The following ARHGAP32 variants were observed in gnomAD, a reference collection of about 807,000 sequenced individuals.
The protein encoded by ARHGAP32 is rho GTPase-activating protein 32.
ARHGAP32 carries 51 observed loss-of-function variants against 186.5 expected under a neutral mutation model. That is an observed-to-expected ratio of 0.27 (90% CI 0.22 to 0.35). The LOEUF is 0.35. Among genes scored for constraint, ARHGAP32 ranks in the 10% least tolerant of loss-of-function variants. The pLI, the probability that ARHGAP32 is intolerant of heterozygous loss-of-function variation, is 1.00. For synonymous variants in ARHGAP32, 950 were observed against 964.3 expected, an observed-to-expected ratio of 0.99 and a Z score of 0.27; for missense variants, 2,186 against 2,623.5, an observed-to-expected ratio of 0.83 and a Z score of 3.64.
At chr11:129,006,326 TAGTCTTC>T (rs993647118) in intron 11 of ARHGAP32, among the ~76,000 whole-genome samples, 4 of 152,202 alleles carry the variant, frequency 2.6e-5, no homozygotes, top group Admixed American at 1.3e-4. Context: ...GTATTTATTG[TAGTCTTC>T]AGTCTGGGCT....
chr11:129,226,510 A>C (rs1308310833), intron 1 of ARHGAP32, among the ~76,000 whole-genome samples: 1 of 152,158 alleles, frequency 6.6e-6, no homozygotes, highest in Non-Finnish European at 1.5e-5. Context: ...CTTGTGAAAC[A>C]ATGTCATTTT....
intron 1 of ARHGAP32, among the ~76,000 whole-genome samples, chr11:129,267,492 C>A (rs1231327687): frequency 6.6e-6 from 1 of 150,854 alleles, no homozygotes; most frequent in African/African-American, 2.5e-5. Flanking sequence ...GTTAACTTGA[C>A]TGATAATTTG....
At chr11:129,132,062 T>C (rs983797654) in intron 2 of ARHGAP32, among the ~76,000 whole-genome samples, 1 of 152,244 alleles carries the variant, frequency 6.6e-6, no homozygotes, top group African/African-American at 2.4e-5. Flanking sequence ...CTAGCATGCA[T>C]GAGCTATTTT....
At chr11:129,056,420 T>G (rs1288622189) in intron 10 of ARHGAP32, among the ~76,000 whole-genome samples, 1 of 152,120 alleles carries the variant, frequency 6.6e-6, no homozygotes, top group Non-Finnish European at 1.5e-5. Flanking sequence ...GTCAGTTTTA[T>G]AATTTTAGTA....
At chr11:129,180,206 G>T (rs976140479) in intron 1 of ARHGAP32, among the ~76,000 whole-genome samples, 1 of 152,018 alleles carries the variant, frequency 6.6e-6, no homozygotes, top group Admixed American at 6.6e-5. Flanking sequence ...AAAGGAATTT[G>T]CAAAAAGTAG....
At chr11:129,012,651 C>T (rs1033003597) in intron 11 of ARHGAP32, among the ~76,000 whole-genome samples, 1 of 152,080 alleles carries the variant, frequency 6.6e-6, no homozygotes, top group African/African-American at 2.4e-5. Context: ...ATGGTTATAA[C>T]TGATCATAAA....
intron 20 of ARHGAP32, among the ~76,000 whole-genome samples, chr11:128,976,255 C>G (rs1014150137): frequency 3.9e-5 from 6 of 151,920 alleles, no homozygotes; most frequent in African/African-American, 1.4e-4. Context: ...ATTGTAAAAT[C>G]TAAAGGAAAC....
chr11:129,137,821 A>C (rs1839033828), intron 2 of ARHGAP32, among the ~76,000 whole-genome samples: 1 of 152,056 alleles, frequency 6.6e-6, no homozygotes, highest in African/African-American at 2.4e-5. Context: ...CACAGCATAT[A>C]GTGTTTTATG....
intron 1 of ARHGAP32, among the ~76,000 whole-genome samples, chr11:129,269,323 T>C (rs1945445797): frequency 6.6e-6 from 1 of 151,976 alleles, no homozygotes; most frequent in South Asian, 2.1e-4. Flanking sequence ...TAAATGAATA[T>C]GAAGAAGACA....
intron 6 of ARHGAP32, among the ~76,000 whole-genome samples, chr11:129,074,778 C>T (rs1032613195): frequency 3.3e-5 from 5 of 152,230 alleles, no homozygotes; most frequent in Non-Finnish European, 7.4e-5. Context: ...AGGCATGAGC[C>T]ACCACACCCG....
chr11:129,020,234 T>A (rs576591362), intron 11 of ARHGAP32, among the ~76,000 whole-genome samples: 1 of 152,172 alleles, frequency 6.6e-6, no homozygotes, highest in Admixed American at 6.5e-5. Context: ...AAGGCTGGTA[T>A]AAAAATTTAA....
intron 6 of ARHGAP32, among the ~76,000 whole-genome samples, chr11:129,071,426 C>T (rs757336462): frequency 1.3e-5 from 2 of 151,568 alleles, no homozygotes; most frequent in Non-Finnish European, 2.9e-5. Context: ...CAAAAGATAA[C>T]ATACAAATGG....
intron 1 of ARHGAP32, among the ~76,000 whole-genome samples, chr11:129,216,669 TAAAAAAAAAAA>T (rs201308944): frequency 1.0e-4 from 12 of 119,104 alleles, no homozygotes; most frequent in Non-Finnish European, 1.5e-4. Flanking sequence ...AGACTGTCTT[TAAAAAAAAAAA>T]AAAAAAAAAA....
At chr11:129,210,882 G>T (rs560439089) in intron 1 of ARHGAP32, among the ~76,000 whole-genome samples, 1 of 152,276 alleles carries the variant, frequency 6.6e-6, no homozygotes, top group Admixed American at 6.5e-5. Context: ...TGTATGTCCA[G>T]CTTAACACGA....
intron 11 of ARHGAP32, among the ~76,000 whole-genome samples, chr11:129,008,484 C>T (rs1158659150): frequency 1.3e-5 from 2 of 152,106 alleles, no homozygotes; most frequent in Admixed American, 1.3e-4. Flanking sequence ...TTATGGAAAA[C>T]ATTATTTACA....
At chr11:129,104,487 T>A (rs527567354) in intron 5 of ARHGAP32, among the ~76,000 whole-genome samples, 3 of 152,068 alleles carry the variant, frequency 2.0e-5, no homozygotes, top group African/African-American at 7.2e-5. Context: ...ATAAAAAGAA[T>A]AGAAAAATGA....
At chr11:129,056,263 C>G (rs541986144) in intron 10 of ARHGAP32, among the ~76,000 whole-genome samples, 1 of 152,256 alleles carries the variant, frequency 6.6e-6, no homozygotes, top group South Asian at 2.1e-4. Flanking sequence ...TGTAACTATA[C>G]AAAAATCAAG....
chr11:129,142,856 T>C (rs910699645), intron 2 of ARHGAP32, among the ~76,000 whole-genome samples: 4 of 151,918 alleles, frequency 2.6e-5, no homozygotes, highest in Non-Finnish European at 2.9e-5. Context: ...CTTTTCACTT[T>C]TTTTAACAGA....
At chr11:129,241,570 A>C (rs1004803011) in intron 1 of ARHGAP32, among the ~76,000 whole-genome samples, 1 of 152,092 alleles carries the variant, frequency 6.6e-6, no homozygotes, top group Non-Finnish European at 1.5e-5. Context: ...ACTTGAGCCC[A>C]GAAGGTCAAG....
Sources: gnomAD v4.1 joint callset for allele counts (sites outside exome capture counted in the v4.1 genomes callset) on GRCh38, gnomAD v4.1.1 for gene constraint, MANE v1.5 for transcripts, NCBI Gene and HGNC (gene_info 2026-07-23, HGNC 2026-07-21) for gene names.